PKD1L3: variants seen among roughly 807,000 people sequenced by gnomAD.
The protein encoded by PKD1L3 is polycystin 1 like 3, transient receptor potential channel interacting, also known as polycystin-1-like protein 3.
In PKD1L3, 239 loss-of-function variants were observed where a neutral mutation model predicts 184.1. The observed-to-expected ratio is 1.30, with a 90% CI of 1.17 to 1.45. The LOEUF (loss-of-function observed/expected upper bound fraction) is 1.45. Ranked by LOEUF, PKD1L3 falls within the 40% of genes most tolerant of loss-of-function variation. The pLI, the probability that PKD1L3 is intolerant of heterozygous loss-of-function variation, is 0.00. For missense variants in PKD1L3, 2,660 were observed against 2,067.2 expected (o/e 1.29, Z -5.56); for synonymous variants, 996 against 778.8 (o/e 1.28, Z -4.64).
intron 22 of PKD1L3, among the ~76,000 whole-genome samples, chr16:71,946,130 G>A (rs1420143036): frequency 6.6e-6 from 1 of 152,194 alleles, no homozygotes; most frequent in African/African-American, 2.4e-5. Flanking sequence ...AGCTAATTTT[G>A]TATTTTTAGT....
At chr16:71,946,978 C>T (rs1250788597) in intron 22 of PKD1L3, among the ~76,000 whole-genome samples, 11 of 147,868 alleles carry the variant, frequency 7.4e-5, no homozygotes, top group South Asian at 2.2e-4. Flanking sequence ...TAGGGGAGTC[C>T]GGGGGCGGTG....
At chr16:71,958,815 G>C (rs7186518) in intron 16 of PKD1L3, among the ~76,000 whole-genome samples, 3 of 141,890 alleles carry the variant, frequency 2.1e-5, no homozygotes, top group African/African-American at 7.9e-5. Flanking sequence ...AGTCGGGCAC[G>C]GTGGCTCACA....
At chr16:71,945,492 A>C (rs112460715) in intron 22 of PKD1L3, among the ~76,000 whole-genome samples, 96 of 150,996 alleles carry the variant, frequency 6.4e-4, no homozygotes, top group African/African-American at 2.2e-3. Flanking sequence ...CAGCCTGGCC[A>C]ATATGGGAAA....
At chr16:71,983,588 A>C (rs1361338905) in intron 6 of PKD1L3, among the ~76,000 whole-genome samples, 4 of 151,728 alleles carry the variant, frequency 2.6e-5, no homozygotes, top group Admixed American at 2.6e-4. Flanking sequence ...AGGTAAAAAA[A>C]TATGCTTGCT....
chr16:71,950,197 G>C lies in PKD1L3; in HGVS notation c.3304C>G (p.Leu1102Val), dbSNP rs112081475. 1.0e-4 allele frequency: 161 copies of C among 1,552,146 alleles called. 2 individuals are homozygous for C. The highest frequency in any genetic ancestry group is 3.6e-4 in the African/African-American group (26 of 73,024). ...TTTTGAAGTTGGCTGGCTGCATCTAGGAAGTCACAGGACTGGTGACCCTGG... is the reference window on the plus strand; with the variant it reads ...TTTTGAAGTTGGCTGGCTGCATCTACGAAGTCACAGGACTGGTGACCCTGG... ...LTQGHQSCDF[L>V]DAASQLQKLQ... The change falls in exon 20 of 30, where the codon CTA (leucine) becomes GTA (valine). Residue 1102 changes from leucine to valine, a missense_variant. Coordinates refer to ENST00000620267, the MANE Select transcript of PKD1L3 (RefSeq NM_181536.2).
In PKD1L3 at chr16:71,973,293, G is replaced by T. The variant is rs369442711; in HGVS notation, c.1953+31C>A. ...GGGCTTAACAGTAGCTATGGCAGAAGAGAGGCCCAAGAAGCGGCTCAGTTT... is the reference window on the plus strand; with the variant it reads ...GGGCTTAACAGTAGCTATGGCAGAATAGAGGCCCAAGAAGCGGCTCAGTTT... On this transcript the variant is annotated intron_variant, in intron 12 of 29. Transcript: ENST00000620267. 222 of 1,546,062 alleles carry T rather than the reference G, an allele frequency of 1.4e-4. No individual in the cohort carries two copies. In the African/African-American group the frequency reaches 2.8e-3, roughly 20 times the overall value.
chr16:71,969,271 T>C (rs750587070), intron 13 of PKD1L3, among the ~76,000 whole-genome samples: 1 of 152,156 alleles, frequency 6.6e-6, no homozygotes, highest in Non-Finnish European at 1.5e-5. Context: ...TAAAGTAAGA[T>C]AAACTTGCAT....
At chr16:71,953,189 A>G in intron 17 of PKD1L3, 96 bp from the exon 18 acceptor site, 1 of 1,018,738 alleles carries the variant, frequency 9.8e-7, no homozygotes, top group Non-Finnish European at 1.4e-6. Flanking sequence ...TGAGGAAGTT[A>G]ACTACGTTTA....
In PKD1L3 at chr16:71,942,444, C is replaced by G. The variant is rs533834207; in HGVS notation, c.4324+116G>C. The stretch of plus-strand genomic sequence containing the variant: ...GAGATGTAAGTCTCCAACAAATTTA[C>G]CTCTCTTGTACTCTTCCAGGAAGTT... On this transcript the variant is annotated intron_variant, in intron 24 of 29. Coordinates refer to ENST00000620267, the MANE Select transcript of PKD1L3 (RefSeq NM_181536.2). 82 of 833,146 alleles carry G rather than the reference C, an allele frequency of 9.8e-5. No homozygotes were observed. The East Asian group carries it at 2.2e-3, about 22-fold the overall frequency. The allele number at this position is 833,146 out of a possible 1,614,324, so 51.6% of individuals were successfully genotyped here.
At chr16:71,930,862 T>G (rs781439966) in intron 28 of PKD1L3, 1 of 152,216 alleles carries the variant, frequency 6.6e-6, no homozygotes, top group Non-Finnish European at 1.5e-5. Context: ...TAGGGCACTG[T>G]TTAAAAATAT....
At position 71,953,028 on chromosome 16, in the gene PKD1L3, G is replaced by A. The variant is rs899042853; in HGVS notation, c.2875C>T (p.Pro959Ser). 3.2e-6 allele frequency: 5 copies of A among 1,548,756 alleles called. No individual in the cohort carries two copies. In the African/African-American group the frequency reaches 6.9e-5, roughly 21 times the overall value. The change falls in exon 18 of 30, where the codon CCA (proline) becomes TCA (serine). Residue 959 changes from proline (P) to serine (S), a missense_variant. Transcript: ENST00000620267. The part of the protein sequence containing the change: ...VSIHTAVILF[P>S]INLVIGRLFP... ...AGCCGCCCTATGACAAGATTGATTG[G>A]GAAGAGGATGACAGCAGTATGGATG...
intron 9 of PKD1L3, 79 bp from the exon 10 acceptor site, chr16:71,978,462 T>TAC (rs2040012572): frequency 2.1e-6 from 2 of 938,518 alleles, no homozygotes; most frequent in South Asian, 3.4e-5. Context: ...ATATCATATA[T>TAC]ACATATGTAT....
At chr16:71,983,489 C>A (rs1417650639) in intron 6 of PKD1L3, among the ~76,000 whole-genome samples, 3 of 152,030 alleles carry the variant, frequency 2.0e-5, no homozygotes, top group African/African-American at 7.2e-5. Context: ...CAAGGCAGTA[C>A]CAGCTGATTA....
At position 71,979,988 on chromosome 16, in the gene PKD1L3, G is replaced by T. The variant is rs918141778; in HGVS notation, c.1271+19C>A. On this transcript the variant is annotated intron_variant, in intron 8 of 29. Transcript: ENST00000620267. Reference sequence around the variant, plus strand: ...TGAAAAACACAGTGAAACTCTCCCCGTTCCTTCTTCCCATTAACCTGCTCA... The same window carrying T: ...TGAAAAACACAGTGAAACTCTCCCCTTTCCTTCTTCCCATTAACCTGCTCA... 27 of 1,551,090 alleles carry T rather than the reference G, an allele frequency of 1.7e-5. No individual in the cohort carries two copies. Among genetic ancestry groups the T allele is most frequent in the East Asian group, 2.4e-5 (1 of 40,930 alleles).
At chr16:71,933,779 GT>G (rs2038075863) in intron 27 of PKD1L3, 135 bp downstream of exon 27, 1 of 937,128 alleles carries the variant, frequency 1.1e-6, no homozygotes, top group Admixed American at 2.4e-5. Context: ...TACCAGTTAA[GT>G]GTGGAACTAG....
At chr16:71,962,715 A>G (rs1189148509) in intron 16 of PKD1L3, among the ~76,000 whole-genome samples, 1 of 152,096 alleles carries the variant, frequency 6.6e-6, no homozygotes, top group Non-Finnish European at 1.5e-5. Flanking sequence ...CCTGACCTCA[A>G]GTGATCTGCC....
At chr16:71,938,720 G>C (rs1425423107) in intron 24 of PKD1L3, among the ~76,000 whole-genome samples, 1 of 152,238 alleles carries the variant, frequency 6.6e-6, no homozygotes, top group East Asian at 1.9e-4. Context: ...ACCCACTCCA[G>C]ATCTCTCTGC....
In PKD1L3 at chr16:71,969,879, T is replaced by C; in HGVS notation, c.2180A>G (p.Gln727Arg). Residue 727 changes from glutamine to arginine, a missense_variant, in exon 13 of 30, where the codon CAG becomes CGG. Physicochemically the swap from Gln to Arg is conservative, Grantham distance 43. Transcript: ENST00000620267. Reference sequence around the variant, plus strand: ...TTGAAATCAAAGTCTCATTACCTTCTGCATATCTGCTTGATCCTTTTTCCG... The same window carrying C: ...TTGAAATCAAAGTCTCATTACCTTCCGCATATCTGCTTGATCCTTTTTCCG... Reference protein sequence around the residue: ...WARKKDQADMQKVKVTVLADN... With the variant: ...WARKKDQADMRKVKVTVLADN... 6.5e-7 allele frequency: 1 copy of C among 1,547,510 alleles called. No homozygotes were observed. Among genetic ancestry groups the C allele is most frequent in the Non-Finnish European group, 8.7e-7 (1 of 1,143,156 alleles).
At chr16:71,944,240 G>GCAGTCACTCAC in intron 22 of PKD1L3, 70 bp from the exon 23 acceptor site, 1 of 1,382,276 alleles carries the variant, frequency 7.2e-7, no homozygotes. Context: ...CATTCATTGA[G>GCAGTCACTCAC]CATCTACTGT....
Sources: gnomAD v4.1 joint callset for allele counts (sites outside exome capture counted in the v4.1 genomes callset) on GRCh38, gnomAD v4.1.1 for gene constraint, MANE v1.5 for transcripts, NCBI Gene and HGNC (gene_info 2026-07-23, HGNC 2026-07-21) for gene names.